The following AIM2 variants were observed in gnomAD, a reference collection of about 807,000 sequenced individuals.
The protein encoded by AIM2 is interferon-inducible protein AIM2.
In AIM2, 30 loss-of-function variants were observed where a neutral mutation model predicts 27.7. The ratio of observed to expected loss-of-function variants is 1.08; its 90% confidence interval spans 0.81 to 1.47. The LOEUF (loss-of-function observed/expected upper bound fraction) is 1.47, where lower values mean the gene tolerates loss of function less well. AIM2 is among the 40% of genes most tolerant of loss of function. The pLI is 0.00. For missense variants in AIM2, 358 were observed against 411.3 expected (o/e 0.87, Z 1.12); for synonymous variants, 141 against 145.3 (o/e 0.97, Z 0.21).
intron 1 of AIM2, among the ~76,000 whole-genome samples, chr1:159,074,070 A>T (rs759940183): frequency 2.0e-5 from 3 of 152,152 alleles, no homozygotes; most frequent in Non-Finnish European, 4.4e-5. Flanking sequence ...AACAAAAAGG[A>T]AACAGGATAC....
At chr1:159,102,441 C>T (rs1397315830) in intron 1 of AIM2, among the ~76,000 whole-genome samples, 1 of 152,204 alleles carries the variant, frequency 6.6e-6, no homozygotes, top group African/African-American at 2.4e-5. Flanking sequence ...GGGGCACTGG[C>T]TAGTGGAGCT....
At chr1:159,074,726 AT>A (rs1656522586) in intron 1 of AIM2, among the ~76,000 whole-genome samples, 1 of 152,296 alleles carries the variant, frequency 6.6e-6, no homozygotes. Flanking sequence ...GTAATTTCCA[AT>A]AGCAACAAAA....
At chr1:159,072,349 G>C (rs991751119) in intron 2 of AIM2, among the ~76,000 whole-genome samples, 6 of 152,194 alleles carry the variant, frequency 3.9e-5, no homozygotes. Flanking sequence ...TCATGTGTGA[G>C]AAGCCATGTC....
upstream of AIM2, among the ~76,000 whole-genome samples, chr1:159,079,747 T>C (rs983970081): frequency 3.3e-5 from 5 of 152,152 alleles, no homozygotes; most frequent in Non-Finnish European, 5.9e-5. Context: ...GTGTTGTACA[T>C]TCTGTGGGTT....
At chr1:159,081,484 G>C, upstream of AIM2, 2 of 515,676 alleles carry the variant, frequency 3.9e-6, no homozygotes, top group Non-Finnish European at 8.0e-6. Context: ...AAATGCTTCA[G>C]AGCCCCTCTG....
intron 1 of AIM2, among the ~76,000 whole-genome samples, chr1:159,124,715 C>A (rs1182922349): frequency 2.0e-5 from 3 of 152,184 alleles, no homozygotes; most frequent in Non-Finnish European, 4.4e-5. Context: ...CCCCTCAGAT[C>A]ACAGCCTTGA....
chr1:159,126,408 G>A (rs1425166212), intron 1 of AIM2, among the ~76,000 whole-genome samples: 1 of 152,142 alleles, frequency 6.6e-6, no homozygotes, highest in Non-Finnish European at 1.5e-5. Context: ...AGCACTTTGG[G>A]AGGCTGAGGG....
At chr1:159,111,882 C>CTATA (rs1428273429) in intron 1 of AIM2, among the ~76,000 whole-genome samples, 2 of 124,282 alleles carry the variant, frequency 1.6e-5, no homozygotes, top group African/African-American at 6.2e-5. Flanking sequence ...ATCTATCTAT[C>CTATA]TATACATATA....
Position 159,063,529 on chromosome 1 carries a change from C to T in AIM2, c.962G>A (p.Gly321Glu). 1 of 1,613,988 alleles carries T rather than the reference C, an allele frequency of 6.2e-7. No individual in the cohort carries two copies. Among genetic ancestry groups the T allele is most frequent in the Non-Finnish European group, 8.5e-7 (1 of 1,179,962 alleles). Residue 321 changes from glycine to glutamate, a missense_variant, in exon 5 of 6, where the codon GGA (glycine) becomes GAA (glutamate). Coordinates refer to ENST00000368130, the MANE Select transcript of AIM2 (RefSeq NM_004833.3). ...TCCAGATGTCAGCTGTAGTTTTTCT[C>T]CATTTTTTGACAGTGTGAAGAATGT... ...RLTFFTLSKN[G>E]EKLQLTSGVH...
At chr1:159,107,523 A>G (rs557746928) in intron 1 of AIM2, among the ~76,000 whole-genome samples, 60 of 152,306 alleles carry the variant, frequency 3.9e-4, no homozygotes, top group African/African-American at 1.3e-3. Flanking sequence ...ATGTTACAGA[A>G]AGAGGAAAAA....
chr1:159,141,628 G>A (rs899474615), upstream of AIM2, among the ~76,000 whole-genome samples: 2 of 152,008 alleles, frequency 1.3e-5, no homozygotes, highest in African/African-American at 2.4e-5. Context: ...GCCGGGACTC[G>A]AACCCGGAAC....
chr1:159,134,903 C>A (rs927235650), intron 1 of AIM2, among the ~76,000 whole-genome samples: 4 of 152,178 alleles, frequency 2.6e-5, no homozygotes. Flanking sequence ...TTCATTTATG[C>A]TGTCTCTTTA....
At chr1:159,058,035 T>C (rs138265276), downstream of AIM2, among the ~76,000 whole-genome samples, 6 of 152,244 alleles carry the variant, frequency 3.9e-5, no homozygotes, top group Middle Eastern at 3.4e-3. Flanking sequence ...CAAGATAAAC[T>C]TGGAGTTCTT....
At chr1:159,133,436 C>A (rs763964000) in intron 1 of AIM2, among the ~76,000 whole-genome samples, 1 of 152,092 alleles carries the variant, frequency 6.6e-6, no homozygotes, top group Non-Finnish European at 1.5e-5. Context: ...TTTTGTTTGA[C>A]TCCTCATAGC....
At chr1:159,124,955 C>T (rs564399908) in intron 1 of AIM2, among the ~76,000 whole-genome samples, 160 of 152,328 alleles carry the variant, frequency 1.1e-3, no homozygotes, top group African/African-American at 3.8e-3. Flanking sequence ...TTCCCACCTT[C>T]GAGTGATGCC....
intron 1 of AIM2, among the ~76,000 whole-genome samples, chr1:159,106,642 G>A (rs1394388221): frequency 2.0e-5 from 3 of 152,254 alleles, no homozygotes; most frequent in Non-Finnish European, 4.4e-5. Flanking sequence ...CTCATGGGTT[G>A]TGGATTAGAA....
chr1:159,088,442 A>G (rs963502131), intron 1 of AIM2, among the ~76,000 whole-genome samples: 8 of 152,174 alleles, frequency 5.3e-5, no homozygotes, highest in African/African-American at 1.4e-4. Flanking sequence ...CCCCAATTCA[A>G]TATCAAAACA....
intron 1 of AIM2, among the ~76,000 whole-genome samples, chr1:159,139,509 G>T (rs1240784155): frequency 1.3e-5 from 2 of 152,128 alleles, no homozygotes; most frequent in Non-Finnish European, 2.9e-5. Context: ...TACACTTGTA[G>T]GAAAGACAAT....
intron 1 of AIM2, among the ~76,000 whole-genome samples, chr1:159,133,040 A>G (rs189745942): frequency 6.6e-6 from 1 of 152,316 alleles, no homozygotes; most frequent in Non-Finnish European, 1.5e-5. Flanking sequence ...TCATCTAAAC[A>G]TCTACCTTCT....
Sources: allele counts gnomAD v4.1 joint callset (sites outside exome capture counted in the v4.1 genomes callset), GRCh38; gene constraint gnomAD v4.1.1; transcripts MANE v1.5; gene names NCBI Gene and HGNC (gene_info 2026-07-23, HGNC 2026-07-21).